The following ZMYM2 variants were observed in gnomAD, a reference collection of about 807,000 sequenced individuals.
ZMYM2 encodes the protein zinc finger MYM-type containing 2.
In ZMYM2, 56 loss-of-function variants were observed where a neutral mutation model predicts 162.8. The ratio of observed to expected loss-of-function variants is 0.34; its 90% CI spans 0.28 to 0.43. ZMYM2 has a LOEUF of 0.43. Among genes scored for constraint, ZMYM2 ranks in the 20% least tolerant of loss-of-function variants. ZMYM2 has a pLI of 1.00. For missense variants in ZMYM2, 1,275 were observed against 1,621.8 expected (o/e 0.79, Z 3.67); for synonymous variants, 510 against 541.6 (o/e 0.94, Z 0.81).
chr13:19,905,074 C>CGATCTCG, the ZMYM2 span, among the ~76,000 whole-genome samples: 2 of 149,062 alleles, frequency 1.3e-5, no homozygotes, highest in Non-Finnish European at 3.0e-5. Flanking sequence ...TGCAGTGGCA[C>CGATCTCG]GATCTCGGCT....
At chr13:19,987,108 T>C (rs1949212313) in intron 2 of ZMYM2, among the ~76,000 whole-genome samples, 2 of 61,672 alleles carry the variant, frequency 3.2e-5, no homozygotes, top group Non-Finnish European at 5.3e-5. Flanking sequence ...CAAGGCTCCG[T>C]CTCAAAAAAA....
At chr13:19,866,422 T>G in the ZMYM2 span, among the ~76,000 whole-genome samples, 2 of 152,064 alleles carry the variant, frequency 1.3e-5, no homozygotes, top group African/African-American at 4.8e-5. Context: ...TCCCAGCACT[T>G]TGGAAGGCCG....
the ZMYM2 span, among the ~76,000 whole-genome samples, chr13:19,926,970 G>A: frequency 6.6e-6 from 1 of 152,150 alleles, no homozygotes; most frequent in African/African-American, 2.4e-5. Context: ...TCCCAGCCAG[G>A]ACTACTTATT....
intron 3 of ZMYM2, among the ~76,000 whole-genome samples, chr13:19,998,729 CTG>C (rs2139833975): frequency 6.6e-6 from 1 of 152,264 alleles, no homozygotes; most frequent in South Asian, 2.1e-4. Flanking sequence ...CAGGTAAGAT[CTG>C]AATAGCCCCT....
chr13:20,009,270 A>T (rs979347618), intron 6 of ZMYM2, among the ~76,000 whole-genome samples: 2 of 152,146 alleles, frequency 1.3e-5, no homozygotes, highest in African/African-American at 2.4e-5. Context: ...TTAAAGTACT[A>T]CCCCACAACA....
Position 19,993,276 on chromosome 13 carries a change from T to A in ZMYM2, c.204T>A (p.Pro68=), listed in dbSNP as rs1365698527. 1 of 1,613,876 alleles carries A rather than the reference T, an allele frequency of 6.2e-7. No homozygotes were observed. The highest frequency in any genetic ancestry group is 1.6e-4 in the Middle Eastern group (1 of 6,062). Residue 68 remains proline (P), a synonymous_variant, in exon 3 of 25, where the codon CCT becomes CCA. Coordinates refer to ENST00000610343, the MANE Select transcript of ZMYM2 (RefSeq NM_197968.4). ...DDVVFIEPVQ[P]PPPSVPVVAD... is the part of the protein sequence containing the mutation. ...TTGTTTTTATCGAACCTGTACAACC[T>A]CCCCCACCTTCTGTACCAGTGGTAG...
At chr13:20,050,546 A>G (rs1955229200) in intron 12 of ZMYM2, among the ~76,000 whole-genome samples, 1 of 152,072 alleles carries the variant, frequency 6.6e-6, no homozygotes, top group Non-Finnish European at 1.5e-5. Context: ...AGAAACTTAA[A>G]TTATGAAAAG....
the ZMYM2 span, among the ~76,000 whole-genome samples, chr13:19,925,175 T>C: frequency 6.6e-6 from 1 of 152,188 alleles, no homozygotes; most frequent in Non-Finnish European, 1.5e-5. Context: ...TGAGCCACCG[T>C]GCCCGGCAAT....
At position 20,064,516 on chromosome 13, in the gene ZMYM2, G is replaced by C; in HGVS notation, c.3103G>C (p.Glu1035Gln). 6.3e-7 allele frequency: 1 copy of C among 1,594,268 alleles called. No homozygotes were observed. The highest frequency in any genetic ancestry group is 8.5e-7 in the Non-Finnish European group (1 of 1,170,176). ...ACCTGTTTTTGGCGAAGAATATGAG[G>C]AACAGCCCAGACCTCGATCTAAAAA... is the stretch of plus-strand genomic sequence containing the variant. ...LPPVFGEEYE[E>Q]QPRPRSKKKG... Residue 1035 changes from glutamate (E) to glutamine (Q), a missense_variant, in exon 19 of 25, where the codon GAA becomes CAA. Glu to Gln is a conservative substitution (Grantham distance 29, BLOSUM62 2). This residue lies in a region of ZMYM2 where 229 missense variants were observed against 283.8 expected (regional missense o/e 0.81). Coordinates refer to ENST00000610343, the MANE Select transcript of ZMYM2 (RefSeq NM_197968.4).
chr13:20,005,033 C>A, intron 4 of ZMYM2, 41 bp from the exon 5 acceptor site: 3 of 1,527,260 alleles, frequency 2.0e-6, no homozygotes, highest in Non-Finnish European at 2.7e-6. Context: ...TATTTGATTT[C>A]TTTTAAAATG....
chr13:19,891,587 G>C, the ZMYM2 span, among the ~76,000 whole-genome samples: 1 of 143,782 alleles, frequency 7.0e-6, no homozygotes, highest in Admixed American at 7.1e-5. Context: ...ACCAGCCCGG[G>C]CAACAAAGCA....
At chr13:19,868,310 G>A in the ZMYM2 span, among the ~76,000 whole-genome samples, 16,287 of 152,218 alleles carry the variant, frequency 0.11, 1,002 homozygotes, top group Middle Eastern at 0.14. Flanking sequence ...AGTAGCTTTT[G>A]CTTTTAATCT....
the ZMYM2 span, among the ~76,000 whole-genome samples, chr13:19,908,320 T>C: frequency 1.3e-4 from 19 of 151,972 alleles, no homozygotes; most frequent in Non-Finnish European, 1.5e-5. Flanking sequence ...CATTATTTGA[T>C]GGTTTCACGG....
intron 21 of ZMYM2, among the ~76,000 whole-genome samples, chr13:20,077,066 G>T (rs773609707): frequency 2.0e-5 from 3 of 150,356 alleles, no homozygotes; most frequent in Non-Finnish European, 4.4e-5. Context: ...TTGATTACAG[G>T]CGTGAGCCAC....
the ZMYM2 span, among the ~76,000 whole-genome samples, chr13:19,876,307 C>T: frequency 6.6e-6 from 1 of 152,066 alleles, no homozygotes; most frequent in Admixed American, 6.6e-5. Context: ...GGATTACATG[C>T]GTGAGCCACT....
the ZMYM2 span, among the ~76,000 whole-genome samples, chr13:19,876,534 G>C: frequency 1.3e-5 from 2 of 151,396 alleles, no homozygotes; most frequent in African/African-American, 4.9e-5. Flanking sequence ...TTTTGGTCAG[G>C]CTGGTCCCAG....
At chr13:19,936,756 C>T in the ZMYM2 span, among the ~76,000 whole-genome samples, 1 of 151,830 alleles carries the variant, frequency 6.6e-6, no homozygotes, top group African/African-American at 2.4e-5. Context: ...TACAAGAGAA[C>T]AACACTTAAA....
chr13:20,039,464 T>C (rs1354459878), intron 12 of ZMYM2, among the ~76,000 whole-genome samples: 2 of 138,196 alleles, frequency 1.4e-5, no homozygotes, highest in Admixed American at 1.7e-4. Flanking sequence ...AATACCTAGT[T>C]TATTGAGAGT....
At chr13:19,920,864 G>A in the ZMYM2 span, among the ~76,000 whole-genome samples, 1 of 151,944 alleles carries the variant, frequency 6.6e-6, no homozygotes. Context: ...CTGGATTCAA[G>A]CAATTCTCCT....
Sources: gnomAD v4.1 joint callset for allele counts (sites outside exome capture counted in the v4.1 genomes callset) on GRCh38, gnomAD v4.1.1 for gene constraint, gnomAD v4.1.1 regional missense constraint, MANE v1.5 for transcripts, NCBI Gene and HGNC (gene_info 2026-07-23, HGNC 2026-07-21) for gene names.